Variants in ITK observed in about 807,000 individuals in gnomAD.
ITK encodes tyrosine-protein kinase ITK/TSK.
ITK carries 45 observed loss-of-function variants against 87.6 expected under a neutral mutation model. The ratio of observed to expected loss-of-function variants is 0.51; its 90% CI spans 0.40 to 0.66. The LOEUF is 0.66. ITK is among the 30% of genes least tolerant of loss of function. ITK has a pLI of 0.00. For missense variants in ITK, 605 were observed against 766.3 expected, an observed-to-expected ratio of 0.79 and a Z score of 2.48; for synonymous variants, 303 against 273.6, an observed-to-expected ratio of 1.11 and a Z score of -1.06.
intron 1 of ITK, among the ~76,000 whole-genome samples, chr5:157,188,206 G>C (rs556580054): frequency 1.6e-4 from 24 of 152,192 alleles, no homozygotes; most frequent in African/African-American, 5.8e-4. Context: ...CCTTCCAGCT[G>C]GGCTTCTGCT....
At chr5:157,234,144 C>T (rs1754729310) in intron 8 of ITK, among the ~76,000 whole-genome samples, 1 of 151,090 alleles carries the variant, frequency 6.6e-6, no homozygotes, top group South Asian at 2.1e-4. Flanking sequence ...TCACACCTAA[C>T]TCATTTTTGT....
At position 157,225,984 on chromosome 5, in the gene ITK, A is replaced by G. The variant is rs548704382; in HGVS notation, c.648-2312A>G. ...CTATGCACTTCAAAGGGCATCAAAG[A>G]GGACACCCCAGCAGCCAGTCAGCAT... On this transcript the variant is annotated intron_variant, in intron 6 of 16. Coordinates refer to ENST00000422843, the MANE Select transcript of ITK (RefSeq NM_005546.4). Among the ~76,000 whole-genome samples the G allele has an allele frequency of 1.1e-4, 16 of 152,312 alleles. 1 individual carries two copies. In the South Asian group the frequency reaches 3.3e-3, roughly 32 times the overall value.
chr5:157,220,907 G>A (rs553437936), intron 5 of ITK, among the ~76,000 whole-genome samples: 8 of 152,084 alleles, frequency 5.3e-5, no homozygotes, highest in Non-Finnish European at 1.0e-4. Flanking sequence ...TGCCCAGGCT[G>A]GAATGCAGTG....
At position 157,254,544 on chromosome 5, in the gene ITK, CG is replaced by C. The variant is rs1561668130; in HGVS notation, c.*1867del. 4.5e-6 allele frequency: 1 copy of C among 220,306 alleles called. No homozygotes were observed. Among genetic ancestry groups the C allele is most frequent in the African/African-American group, 2.2e-5 (1 of 44,576 alleles). The allele number at this position is 220,306 out of a possible 1,614,324, so 13.6% of individuals were successfully genotyped here. On this transcript the variant is annotated 3_prime_UTR_variant, in exon 17 of 17. Coordinates refer to ENST00000422843, the MANE Select transcript of ITK (RefSeq NM_005546.4). Reference sequence around the variant, plus strand: ...AATTGGCTCTTTCTAAATCATGTGACGTTTTGACTGGCTTGAGATTCAGATG... The same window carrying C: ...AATTGGCTCTTTCTAAATCATGTGACTTTTGACTGGCTTGAGATTCAGATG...
chr5:157,238,248 C>A (rs1371904269), intron 9 of ITK, 57 bp downstream of exon 9: 2 of 1,315,988 alleles, frequency 1.5e-6, no homozygotes, highest in East Asian at 2.3e-5. Context: ...AGTGTGTGAG[C>A]ACTGGGGAAA....
chr5:157,249,748 G>A (rs1407529357), intron 16 of ITK, among the ~76,000 whole-genome samples: 1 of 152,114 alleles, frequency 6.6e-6, no homozygotes, highest in African/African-American at 2.4e-5. Context: ...ACTGTTAAGA[G>A]AATTAAATAA....
chr5:157,218,796 CA>C (rs1248269471), intron 5 of ITK, among the ~76,000 whole-genome samples: 2 of 152,084 alleles, frequency 1.3e-5, no homozygotes, highest in African/African-American at 4.8e-5. Flanking sequence ...TGGTGGTTCT[CA>C]AAGTATAGTC....
Position 157,249,008 on chromosome 5 carries a change from G to A in ITK, c.1791+1G>A, listed in dbSNP as rs1221129774. On this transcript the variant is annotated splice_donor_variant, in intron 16 of 16. Coordinates refer to ENST00000422843, the MANE Select transcript of ITK (RefSeq NM_005546.4). LOFTEE classifies it high-confidence loss of function. Reference sequence around the variant, plus strand: ...GATTATGAATCACTGCTGGAAAGAGGTCAGTGGAGGAAGTGCTTCCCCATG... The same window carrying A: ...GATTATGAATCACTGCTGGAAAGAGATCAGTGGAGGAAGTGCTTCCCCATG... 6.2e-7 allele frequency: 1 copy of A among 1,613,516 alleles called. No homozygotes were observed.
intron 6 of ITK, among the ~76,000 whole-genome samples, chr5:157,226,759 T>A (rs1754539241): frequency 6.6e-6 from 1 of 152,222 alleles, no homozygotes; most frequent in Non-Finnish European, 1.5e-5. Context: ...TGTTATGGAA[T>A]AAAGAGCAAT....
In ITK at chr5:157,244,194, C is replaced by T. The variant is rs537040444; in HGVS notation, c.1233-68C>T. ...AAAATGACCATTGGCTATTTTGGTACCATAATATTTTCGGCATTTTTGGGA... is the reference window on the plus strand; with the variant it reads ...AAAATGACCATTGGCTATTTTGGTATCATAATATTTTCGGCATTTTTGGGA... On this transcript the variant is annotated intron_variant, in intron 12 of 16. Transcript: ENST00000422843. 4 of 1,216,986 alleles carry T rather than the reference C, an allele frequency of 3.3e-6. No homozygotes were observed. The East Asian group carries it at 9.3e-5, about 28-fold the overall frequency. 75.4% of individuals were successfully genotyped at this position (1,216,986 alleles called of 1,614,324 possible).
chr5:157,230,891 AAAACAAT>A (rs1242468651), intron 7 of ITK, among the ~76,000 whole-genome samples: 4 of 152,256 alleles, frequency 2.6e-5, no homozygotes, highest in Non-Finnish European at 5.9e-5. Context: ...CCATGCAAAC[AAAACAAT>A]CTAGTTATAC....
intron 6 of ITK, among the ~76,000 whole-genome samples, chr5:157,225,072 G>C (rs1754504578): frequency 6.6e-6 from 1 of 151,910 alleles, no homozygotes; most frequent in African/African-American, 2.4e-5. Flanking sequence ...ACAGTTCACT[G>C]CAGCCTTGAC....
At chr5:157,249,126 A>C (rs1408877811) in intron 16 of ITK, 119 bp downstream of exon 16, 4 of 857,470 alleles carry the variant, frequency 4.7e-6, no homozygotes, top group Non-Finnish European at 7.8e-6. Context: ...AATATAGATT[A>C]GCAACAACAT....
intron 3 of ITK, chr5:157,213,645 G>C: frequency 2.3e-6 from 1 of 435,468 alleles, no homozygotes; most frequent in South Asian, 1.7e-5. Context: ...GCCTACGAAA[G>C]TACTGGGATT....
intron 3 of ITK, chr5:157,211,639 A>G (rs575728599): frequency 3.4e-5 from 16 of 465,046 alleles, no homozygotes; most frequent in Admixed American, 1.0e-4. Context: ...AAGTACCTAC[A>G]TAAGATGCTT....
rs147546207 is a variant in ITK, at chr5:157,232,712, A to G, written c.768+318A>G. Among the ~76,000 whole-genome samples the G allele has an allele frequency of 5.9e-3, 898 of 152,330 alleles. 8 individuals are homozygous for G. Among genetic ancestry groups the G allele is most frequent in the Middle Eastern group, 0.031 (9 of 294 alleles). The stretch of plus-strand genomic sequence containing the variant: ...AGTGGGTTGACATGTTGGATTAACG[A>G]TAGTTTTCATGTCTGGTGAAAATAT... On this transcript the variant is annotated intron_variant, in intron 8 of 16. Coordinates refer to ENST00000422843, the MANE Select transcript of ITK (RefSeq NM_005546.4).
At chr5:157,209,056 C>A (rs760415155) in intron 2 of ITK, 63 bp downstream of exon 2, 1 of 1,113,876 alleles carries the variant, frequency 9.0e-7, no homozygotes, top group Non-Finnish European at 1.4e-6. Flanking sequence ...TCAGTCACAG[C>A]CGGGTGCAGT....
intron 1 of ITK, among the ~76,000 whole-genome samples, chr5:157,186,378 A>G (rs1208188146): frequency 6.6e-6 from 1 of 151,950 alleles, no homozygotes; most frequent in East Asian, 1.9e-4. Context: ...AAAAAAAAAA[A>G]AAAGAGAGAG....
Position 157,243,780 on chromosome 5 carries a change from G to C in ITK, c.1218G>C (p.Glu406Asp). ...TGTCAGAAGAGGACTTCATAGAGGA[G>C]GCTGAAGTAATGATGTGAGTGCTCA... ...GAMSEEDFIE[E>D]AEVMMKLSHP... The change falls in exon 12 of 17, where the codon GAG (glutamate) becomes GAC (aspartate). Residue 406 changes from glutamate (E) to aspartate (D), a missense_variant. Coordinates refer to ENST00000422843, the MANE Select transcript of ITK (RefSeq NM_005546.4). 1 of 1,613,992 alleles carries C rather than the reference G, an allele frequency of 6.2e-7. No individual in the cohort carries two copies. The highest frequency in any genetic ancestry group is 1.1e-5 in the South Asian group (1 of 91,078).
Sources: allele counts gnomAD v4.1 joint callset (sites outside exome capture counted in the v4.1 genomes callset), GRCh38; gene constraint gnomAD v4.1.1; transcripts MANE v1.5; gene names NCBI Gene and HGNC (gene_info 2026-07-23, HGNC 2026-07-21).